Variants in CLEC2L observed in about 807,000 individuals in gnomAD.
CLEC2L encodes C-type lectin domain family 2, member L.
Under a neutral mutation model 23.6 loss-of-function variants are expected in CLEC2L, and 14 were observed. The ratio of observed to expected loss-of-function variants is 0.59; its 90% CI spans 0.39 to 0.93. The LOEUF is 0.93. Among genes scored for constraint, CLEC2L ranks in the 40% least tolerant of loss-of-function variants. The pLI is 0.00. For synonymous variants in CLEC2L, 114 were observed against 121.3 expected (o/e 0.94, Z 0.40); for missense variants, 264 against 282.4 (o/e 0.93, Z 0.47).
At chr7:139,529,924 C>G (rs10282154) in intron 1 of CLEC2L, among the ~76,000 whole-genome samples, 5,437 of 151,556 alleles carry the variant, frequency 0.036, 332 homozygotes, top group African/African-American at 0.12. Flanking sequence ...ATAGGTTAGC[C>G]AGGCGTGGTG....
At chr7:139,533,142 G>A (rs1261777948) in intron 1 of CLEC2L, among the ~76,000 whole-genome samples, 2 of 152,288 alleles carry the variant, frequency 1.3e-5, no homozygotes, top group East Asian at 3.9e-4. Flanking sequence ...CTATGATATT[G>A]AGAAGGCAGG....
chr7:139,533,914 G>C (rs940915469), intron 1 of CLEC2L, among the ~76,000 whole-genome samples: 3 of 152,082 alleles, frequency 2.0e-5, no homozygotes, highest in Admixed American at 6.5e-5. Flanking sequence ...TTTCATCTAT[G>C]ATTTATGTAT....
At chr7:139,529,660 C>T (rs906368528) in intron 1 of CLEC2L, among the ~76,000 whole-genome samples, 6 of 152,196 alleles carry the variant, frequency 3.9e-5, no homozygotes, top group African/African-American at 1.4e-4. Flanking sequence ...TGGTAACTTG[C>T]CAACATAGAC....
chr7:139,534,299 C>A, intron 1 of CLEC2L: 2 of 1,469,490 alleles, frequency 1.4e-6, no homozygotes, highest in Non-Finnish European at 1.9e-6. Context: ...AGAACTTATG[C>A]TGACTACGAA....
In CLEC2L at chr7:139,539,984, C is replaced by G; in HGVS notation, c.266-337C>G. On this transcript the variant is annotated intron_variant, in intron 2 of 4. Coordinates refer to ENST00000422142, the MANE Select transcript of CLEC2L (RefSeq NM_001080511.4). The surrounding 1 kb of genome is among the most constrained non-coding windows in gnomAD (Gnocchi z 4.1). ...GTCTGTCCTGCTGTTGGTACCTGGC[C>G]TAGCTGGAAGGAGAGGACACATAGC... The G allele has an allele frequency of 3.3e-6, 1 of 299,896 alleles. No individual in the cohort carries two copies. The allele number at this position is 299,896 out of a possible 1,614,324, so 18.6% of individuals were successfully genotyped here. A position where few individuals can be genotyped will look rare whatever the true frequency, so the allele number is the denominator to read the frequency against.
At chr7:139,536,582 G>C (rs567893155) in intron 2 of CLEC2L, among the ~76,000 whole-genome samples, 1 of 152,252 alleles carries the variant, frequency 6.6e-6, no homozygotes, top group Non-Finnish European at 1.5e-5. Context: ...TGTTACTTAG[G>C]TATTATTTTG....
In CLEC2L at chr7:139,542,020, G is replaced by A. The variant is rs549872707; in HGVS notation, c.433-1G>A. 1 of 1,609,008 alleles carries A rather than the reference G, an allele frequency of 6.2e-7. No individual in the cohort carries two copies. Among genetic ancestry groups the A allele is most frequent in the South Asian group, 1.1e-5 (1 of 89,774 alleles). ...GAGGTGTCCCTTTTTCCTCGGTGCA[G>A]GAATTTATGTTCAAGTTCACGCGGA... On this transcript the variant is annotated splice_acceptor_variant, in intron 3 of 4. Transcript: ENST00000422142. LOFTEE classifies it high-confidence loss of function.
Position 139,536,361 on chromosome 7 carries a change from G to A in CLEC2L, c.265+13G>A. The A allele has an allele frequency of 6.5e-7, 1 of 1,550,278 alleles. No homozygotes were observed. The highest frequency in any genetic ancestry group is 8.7e-7 in the Non-Finnish European group (1 of 1,145,920). ...ATGAGCATCTTGGGTGAGCATGCGT[G>A]TCAGAGCATTTATGCATTCAGTTTG... On this transcript the variant is annotated intron_variant, in intron 2 of 4. Transcript: ENST00000422142.
chr7:139,526,115 G>GGAGTTTTA (rs1269696530), intron 1 of CLEC2L, among the ~76,000 whole-genome samples: 1 of 152,162 alleles, frequency 6.6e-6, no homozygotes, highest in Non-Finnish European at 1.5e-5. Flanking sequence ...TTTTCCCACA[G>GGAGTTTTA]GAGTTTTAGA....
chr7:139,533,335 G>A (rs1310127446), intron 1 of CLEC2L, among the ~76,000 whole-genome samples: 2 of 152,190 alleles, frequency 1.3e-5, no homozygotes, highest in African/African-American at 4.8e-5. Flanking sequence ...GTTGGCTTTG[G>A]GGAAGGAGCA....
rs1298495883 is a variant in CLEC2L, at chr7:139,544,232, T to C, written c.535T>C (p.Phe179Leu). 1.9e-6 allele frequency: 3 copies of C among 1,611,164 alleles called. No individual in the cohort carries two copies. The highest frequency in any genetic ancestry group is 1.7e-5 in the Admixed American group (1 of 59,768). The change falls in exon 5 of 5, where the codon TTC (phenylalanine) becomes CTC (leucine). Residue 179 changes from phenylalanine (F) to leucine (L), a missense_variant and splice_region_variant. Physicochemically the swap from Phe to Leu is conservative, Grantham distance 22. Transcript: ENST00000422142. Reference protein sequence around the residue: ...VNGDPFDPDTFTIAGPGECVF... With the variant: ...VNGDPFDPDTLTIAGPGECVF... ...CCTGGTCTTCTCTCCTGGCCACAGG[T>C]TCACCATCGCAGGTCCAGGGGAGTG...
chr7:139,529,515 C>T (rs1039005633), intron 1 of CLEC2L, among the ~76,000 whole-genome samples: 1 of 152,134 alleles, frequency 6.6e-6, no homozygotes, highest in Non-Finnish European at 1.5e-5. Context: ...CCATAGGCAG[C>T]CATCGTGTAG....
At position 139,540,017 on chromosome 7, in the gene CLEC2L, C is replaced by A; in HGVS notation, c.266-304C>A. The A allele has an allele frequency of 2.6e-6, 1 of 378,998 alleles. No homozygotes were observed. Among genetic ancestry groups the A allele is most frequent in the Non-Finnish European group, 4.9e-6 (1 of 203,002 alleles). 23.5% of individuals were successfully genotyped at this position (378,998 alleles called of 1,614,324 possible). On this transcript the variant is annotated intron_variant, in intron 2 of 4. Transcript: ENST00000422142. This position sits in a 1 kb window ranked among gnomAD's most constrained non-coding sequence, Gnocchi z 5.8. ...AAGGAGAGGACACATAGCCGCCAGACCTCTTCCCAGTCTGAGTTTCTGGCG... is the reference window on the plus strand; with the variant it reads ...AAGGAGAGGACACATAGCCGCCAGAACTCTTCCCAGTCTGAGTTTCTGGCG...
In CLEC2L at chr7:139,540,490, G is replaced by T. The variant is rs752174539; in HGVS notation, c.432+3G>T. 1.2e-5 allele frequency: 19 copies of T among 1,584,500 alleles called. No individual in the cohort carries two copies. The highest frequency in any genetic ancestry group is 8.6e-7 in the Non-Finnish European group (1 of 1,165,734). Reference sequence around the variant, plus strand: ...TGATTCAGAGCCAGAAGGAGCTGGTGAGTGTGCCAAGGTGAAGGGGGTTGG... The same window carrying T: ...TGATTCAGAGCCAGAAGGAGCTGGTTAGTGTGCCAAGGTGAAGGGGGTTGG... On this transcript the variant is annotated splice_donor_region_variant and intron_variant, in intron 3 of 4. Coordinates refer to ENST00000422142, the MANE Select transcript of CLEC2L (RefSeq NM_001080511.4). The surrounding 1 kb of genome is among the most constrained non-coding windows in gnomAD (Gnocchi z 5.8).
At chr7:139,527,598 C>T (rs186367853) in intron 1 of CLEC2L, among the ~76,000 whole-genome samples, 30 of 152,200 alleles carry the variant, frequency 2.0e-4, no homozygotes, top group Middle Eastern at 6.8e-3. Flanking sequence ...AAAGGTGACC[C>T]GGAGAGCCCG....
rs775408297 is a variant in CLEC2L at position 139,540,280 on chromosome 7, C to CT, written c.266-40dup. On this transcript the variant is annotated intron_variant, in intron 2 of 4. Coordinates refer to ENST00000422142, the MANE Select transcript of CLEC2L (RefSeq NM_001080511.4). This position sits in a 1 kb window ranked among gnomAD's most constrained non-coding sequence, Gnocchi z 5.8. ...CACAGAAAGCAGAGTGGGACTCGGG[C>CT]TGGGGGGGCGGGCAGGGCCGAGCTG... 2.8e-6 allele frequency: 3 copies of CT among 1,053,852 alleles called. No individual in the cohort carries two copies. Among genetic ancestry groups the CT allele is most frequent in the South Asian group, 2.6e-5 (2 of 76,336 alleles). 65.3% of individuals were successfully genotyped at this position (1,053,852 alleles called of 1,614,324 possible). A position where few individuals can be genotyped will look rare whatever the true frequency, so the allele number is the denominator to read the frequency against.
chr7:139,525,287 C>T (rs1380638257), intron 1 of CLEC2L, among the ~76,000 whole-genome samples: 1 of 152,086 alleles, frequency 6.6e-6, no homozygotes, highest in East Asian at 1.9e-4. Context: ...CCAGGAGGGA[C>T]ATAACCAGCA....
rs150085928 is a variant in CLEC2L at position 139,536,812 on chromosome 7, T to A, written c.265+464T>A. 9.7e-3 allele frequency among the ~76,000 whole-genome samples: 1,464 copies of A among 151,698 alleles called. 20 individuals are homozygous for A. The highest frequency in any genetic ancestry group is 0.034 in the African/African-American group (1,395 of 41,332). On this transcript the variant is annotated intron_variant, in intron 2 of 4. Coordinates refer to ENST00000422142, the MANE Select transcript of CLEC2L (RefSeq NM_001080511.4). ...CAACATGGTGAAACCCGGTCTCTACTAAAAGTGCAAAAATTAGCCAGGTGT... is the reference window on the plus strand; with the variant it reads ...CAACATGGTGAAACCCGGTCTCTACAAAAAGTGCAAAAATTAGCCAGGTGT...
chr7:139,535,802 G>A (rs1023742435), intron 1 of CLEC2L, among the ~76,000 whole-genome samples: 2 of 152,130 alleles, frequency 1.3e-5, no homozygotes, highest in African/African-American at 4.8e-5. Context: ...TTATTTTGAG[G>A]AACCCATGCG....
Sources: allele counts gnomAD v4.1 joint callset (sites outside exome capture counted in the v4.1 genomes callset), GRCh38; gene constraint gnomAD v4.1.1; non-coding constraint Gnocchi (gnomAD v3.1); transcripts MANE v1.5; gene names NCBI Gene and HGNC (gene_info 2026-07-23, HGNC 2026-07-21).